Variants in TUBA8 observed in about 807,000 individuals in gnomAD.
The protein encoded by TUBA8 is tubulin alpha-8 chain.
In TUBA8, 29 loss-of-function variants were observed where a neutral mutation model predicts 34.7. The observed-to-expected ratio is 0.84, with a 90% confidence interval of 0.62 to 1.14. The LOEUF (loss-of-function observed/expected upper bound fraction) is 1.14, where lower values mean the gene tolerates loss of function less well. Ranked by LOEUF, TUBA8 falls within the 50% of genes most tolerant of loss-of-function variation. The pLI is 0.00. For synonymous variants in TUBA8, 226 were observed against 231.2 expected (o/e 0.98, Z 0.21); for missense variants, 541 against 599.2 (o/e 0.90, Z 1.01).
intron 1 of TUBA8, chr22:18,120,114 ACCC>A (rs1928104499): frequency 6.7e-6 from 1 of 149,846 alleles, no homozygotes; most frequent in Non-Finnish European, 1.5e-5. Flanking sequence ...CTCTCTCCCC[ACCC>A]CCCTTTTTCT....
intron 1 of TUBA8, chr22:18,112,274 G>A (rs754174657): frequency 7.2e-5 from 11 of 152,078 alleles, no homozygotes; most frequent in African/African-American, 2.4e-4. Context: ...ATATGCAAAC[G>A]GAGAGCAAAT....
At chr22:18,114,857 GC>G (rs1188071936) in intron 1 of TUBA8, 2 of 152,124 alleles carry the variant, frequency 1.3e-5, no homozygotes, top group African/African-American at 2.4e-5. Flanking sequence ...TCACAAGACA[GC>G]CTTTTTAAGG....
chr22:18,111,913 C>A lies in TUBA8; in HGVS notation c.3+1045C>A, dbSNP rs1453793530. ...GGCCCGTGCCCAGGGCCTCCTGGCT[C>A]CCCCGGAGCTCTAGCCTTCCAGCTT... On this transcript the variant is annotated intron_variant, in intron 1 of 4. Coordinates refer to ENST00000330423, the MANE Select transcript of TUBA8 (RefSeq NM_018943.3). This position sits in a 1 kb window ranked among gnomAD's most constrained non-coding sequence, Gnocchi z 5.1. 6.6e-6 allele frequency: 1 copy of A among 152,196 alleles called. No homozygotes were observed. The highest frequency in any genetic ancestry group is 1.5e-5 in the Non-Finnish European group (1 of 68,050). The allele number at this position is 152,196 out of a possible 1,614,324, so 9.4% of individuals were successfully genotyped here. A position where few individuals can be genotyped will look rare whatever the true frequency, so the allele number is the denominator to read the frequency against.
chr22:18,112,931 T>C (rs946610175), intron 1 of TUBA8: 2 of 152,226 alleles, frequency 1.3e-5, no homozygotes, highest in Non-Finnish European at 2.9e-5. Flanking sequence ...CAAAAATGAC[T>C]GTATTTCTTC....
At chr22:18,129,952 G>A (rs1450423809) in intron 4 of TUBA8, 1 of 152,204 alleles carries the variant, frequency 6.6e-6, no homozygotes, top group Non-Finnish European at 1.5e-5. Context: ...TGTAAGACGG[G>A]TCTGGGCTGA....
Position 18,126,435 on chromosome 22 carries a change from CT to C in TUBA8, c.458del (p.Leu153ArgfsTer37), listed in dbSNP as rs1928323002. ...CACTGGCTCCGGCTTCACTTCTCTG[CT>C]GATGGAACGCCTCTCCCTGGATTAT... is the stretch of plus-strand genomic sequence containing the variant. ...GGTGSGFTSL[L>X]MERLSLDYGK... On this transcript the variant is annotated frameshift_variant, in exon 4 of 5. Transcript: ENST00000330423. LOFTEE classifies it high-confidence loss of function. The surrounding 1 kb of genome is among the most constrained non-coding windows in gnomAD (Gnocchi z 4.0). 1 of 1,614,012 alleles carries C rather than the reference CT, an allele frequency of 6.2e-7. No homozygotes were observed. The highest frequency in any genetic ancestry group is 1.1e-5 in the South Asian group (1 of 91,084).
At position 18,131,192 on chromosome 22, in the gene TUBA8, C is replaced by A; in HGVS notation, c.*56C>A. 6.4e-7 allele frequency: 1 copy of A among 1,566,788 alleles called. No individual in the cohort carries two copies. The highest frequency in any genetic ancestry group is 8.8e-7 in the Non-Finnish European group (1 of 1,139,870). Reference sequence around the variant, plus strand: ...TATTTATGCTGTGCCATTCAAAGCACATGTTCAAGAGAACAGAACACTCTC... The same window carrying A: ...TATTTATGCTGTGCCATTCAAAGCAAATGTTCAAGAGAACAGAACACTCTC... On this transcript the variant is annotated 3_prime_UTR_variant, in exon 5 of 5. Transcript: ENST00000330423. The surrounding 1 kb of genome is among the most constrained non-coding windows in gnomAD (Gnocchi z 5.3).
chr22:18,111,075 G>A lies in TUBA8; in HGVS notation c.3+207G>A. ...CGTATGGGGGAAATAGAGACCAGGG[G>A]CCAGTTGTTCCTTAAAGGGACCTAA... is the stretch of plus-strand genomic sequence containing the variant. On this transcript the variant is annotated intron_variant, in intron 1 of 4. Coordinates refer to ENST00000330423, the MANE Select transcript of TUBA8 (RefSeq NM_018943.3). The surrounding 1 kb of genome is among the most constrained non-coding windows in gnomAD (Gnocchi z 5.1). The A allele has an allele frequency of 1.4e-6, 1 of 720,878 alleles. No individual in the cohort carries two copies. The highest frequency in any genetic ancestry group is 2.3e-6 in the Non-Finnish European group (1 of 436,120). 44.7% of individuals were successfully genotyped at this position (720,878 alleles called of 1,614,324 possible). A position where few individuals can be genotyped will look rare whatever the true frequency, so the allele number is the denominator to read the frequency against.
chr22:18,125,127 A>C (rs1483048189), intron 3 of TUBA8: 1 of 152,230 alleles, frequency 6.6e-6, no homozygotes, highest in African/African-American at 2.4e-5. Flanking sequence ...CCGTGCTTAC[A>C]ACGTATCAGG....
chr22:18,123,587 G>T, intron 2 of TUBA8: 1 of 149,548 alleles, frequency 6.7e-6, no homozygotes. Context: ...TGTTTTTTTT[G>T]GAGATGGAGC....
chr22:18,111,042 C>T lies in TUBA8; in HGVS notation c.3+174C>T. On this transcript the variant is annotated intron_variant, in intron 1 of 4. Coordinates refer to ENST00000330423, the MANE Select transcript of TUBA8 (RefSeq NM_018943.3). This position sits in a 1 kb window ranked among gnomAD's most constrained non-coding sequence, Gnocchi z 5.1. ...CACCCTCGGGCGGGAACACCCGGTGCCCTTTATCGTATGGGGGAAATAGAG... is the reference window on the plus strand; with the variant it reads ...CACCCTCGGGCGGGAACACCCGGTGTCCTTTATCGTATGGGGGAAATAGAG... 1.1e-6 allele frequency: 1 copy of T among 932,248 alleles called. No individual in the cohort carries two copies. The highest frequency in any genetic ancestry group is 1.6e-6 in the Non-Finnish European group (1 of 612,456). 57.7% of individuals were successfully genotyped at this position (932,248 alleles called of 1,614,324 possible). A position where few individuals can be genotyped will look rare whatever the true frequency, so the allele number is the denominator to read the frequency against.
chr22:18,121,938 G>A lies in TUBA8; in HGVS notation c.226+237G>A. 1.8e-6 allele frequency: 1 copy of A among 546,464 alleles called. No homozygotes were observed. The highest frequency in any genetic ancestry group is 3.3e-6 in the Non-Finnish European group (1 of 304,720). 33.9% of individuals were successfully genotyped at this position (546,464 alleles called of 1,614,324 possible). On this transcript the variant is annotated intron_variant, in intron 2 of 4. Coordinates refer to ENST00000330423, the MANE Select transcript of TUBA8 (RefSeq NM_018943.3). The surrounding 1 kb of genome is among the most constrained non-coding windows in gnomAD (Gnocchi z 4.8). ...GCCTCCCACTTCAACCCCAAAACCT[G>A]CGGCACCAGGTCAAAATGGTCACAT...
Position 18,126,850 on chromosome 22 carries a change from T to A in TUBA8, c.872T>A (p.Ile291Lys). The A allele has an allele frequency of 6.2e-7, 1 of 1,612,412 alleles. No homozygotes were observed. The highest frequency in any genetic ancestry group is 8.5e-7 in the Non-Finnish European group (1 of 1,178,892). ...CACGAACAGCTCTCTGTGGCCGAGA[T>A]AACCAGCTCCTGCTTTGAGCCCAAC... ...AYHEQLSVAEITSSCFEPNSQ... is the reference protein window; with the variant it reads ...AYHEQLSVAEKTSSCFEPNSQ... Residue 291 changes from isoleucine to lysine, a missense_variant, in exon 4 of 5, where the codon ATA (isoleucine) becomes AAA (lysine). By Grantham distance (102) the Ile-to-Lys change is moderately radical. Coordinates refer to ENST00000330423, the MANE Select transcript of TUBA8 (RefSeq NM_018943.3). This position sits in a 1 kb window ranked among gnomAD's most constrained non-coding sequence, Gnocchi z 4.0.
At position 18,121,891 on chromosome 22, in the gene TUBA8, A is replaced by G. The variant is rs988769813; in HGVS notation, c.226+190A>G. The G allele has an allele frequency of 2.4e-5, 15 of 614,484 alleles. No homozygotes were observed. In the Admixed American group the frequency reaches 3.1e-4, roughly 13 times the overall value. The allele number at this position is 614,484 out of a possible 1,614,324, so 38.1% of individuals were successfully genotyped here. ...CTCGGGGAATCTCATGACAGTGATCAAGACTCTATGCAGAACAAAATGCCT... is the reference window on the plus strand; with the variant it reads ...CTCGGGGAATCTCATGACAGTGATCGAGACTCTATGCAGAACAAAATGCCT... On this transcript the variant is annotated intron_variant, in intron 2 of 4. Transcript: ENST00000330423. This position sits in a 1 kb window ranked among gnomAD's most constrained non-coding sequence, Gnocchi z 4.8.
Position 18,131,558 on chromosome 22 carries a change from T to C in TUBA8, c.*422T>C, listed in dbSNP as rs780595755. On this transcript the variant is annotated 3_prime_UTR_variant, in exon 5 of 5. Coordinates refer to ENST00000330423, the MANE Select transcript of TUBA8 (RefSeq NM_018943.3). The surrounding 1 kb of genome is among the most constrained non-coding windows in gnomAD (Gnocchi z 5.3). Reference sequence around the variant, plus strand: ...AGGGGTGAGCGGACGTTCACATGAGTGGGTCTATAGCCCGCTCCGGGCATC... The same window carrying C: ...AGGGGTGAGCGGACGTTCACATGAGCGGGTCTATAGCCCGCTCCGGGCATC... 7.0e-6 allele frequency: 2 copies of C among 283,716 alleles called. No individual in the cohort carries two copies. The highest frequency in any genetic ancestry group is 1.4e-5 in the Non-Finnish European group (2 of 146,442). The allele number at this position is 283,716 out of a possible 1,614,324, so 17.6% of individuals were successfully genotyped here. A position where few individuals can be genotyped will look rare whatever the true frequency, so the allele number is the denominator to read the frequency against.
intron 3 of TUBA8, chr22:18,125,723 G>T (rs1045836611): frequency 6.5e-6 from 1 of 153,810 alleles, no homozygotes; most frequent in Non-Finnish European, 1.4e-5. Flanking sequence ...ACAAGAGCAG[G>T]GAAAGTGGGC....
chr22:18,121,126 T>G lies in TUBA8; in HGVS notation c.4-353T>G. 3 of 307,438 alleles carry G rather than the reference T, an allele frequency of 9.8e-6. No individual in the cohort carries two copies. Among genetic ancestry groups the G allele is most frequent in the Admixed American group, 4.4e-5 (1 of 22,750 alleles). The allele number at this position is 307,438 out of a possible 1,614,324, so 19.0% of individuals were successfully genotyped here. On this transcript the variant is annotated intron_variant, in intron 1 of 4. Coordinates refer to ENST00000330423, the MANE Select transcript of TUBA8 (RefSeq NM_018943.3). The surrounding 1 kb of genome is among the most constrained non-coding windows in gnomAD (Gnocchi z 4.8). Reference sequence around the variant, plus strand: ...TGTGTGGGCGTAGGCTGAAGGAGAGTTTCTGCCATGATCGCCAGTTCTTCC... The same window carrying G: ...TGTGTGGGCGTAGGCTGAAGGAGAGGTTCTGCCATGATCGCCAGTTCTTCC...
At chr22:18,113,088 T>C (rs1881491744) in intron 1 of TUBA8, 1 of 152,360 alleles carries the variant, frequency 6.6e-6, no homozygotes, top group Admixed American at 6.5e-5. Flanking sequence ...TCCTTAAGTG[T>C]ATTTTTAAAT....
At chr22:18,120,920 T>A (rs1018101188) in intron 1 of TUBA8, 5 of 159,146 alleles carry the variant, frequency 3.1e-5, no homozygotes, top group Middle Eastern at 6.6e-3. Context: ...TCTCTTGGGG[T>A]AATAAATAAT....
Sources: allele counts gnomAD v4.1 joint callset, GRCh38; gene constraint gnomAD v4.1.1; non-coding constraint Gnocchi (gnomAD v3.1); transcripts MANE v1.5; gene names NCBI Gene and HGNC (gene_info 2026-07-23, HGNC 2026-07-21).